The following TENM3 variants were observed in gnomAD, a reference collection of about 807,000 sequenced individuals.
The protein encoded by TENM3 is teneurin-3.
Under a neutral mutation model 255.1 loss-of-function variants are expected in TENM3, and 63 were observed. That is an observed-to-expected ratio of 0.25 (90% CI 0.20 to 0.30). The LOEUF (loss-of-function observed/expected upper bound fraction) is 0.30. Ranked by LOEUF, TENM3 falls within the 10% of genes least tolerant of loss-of-function variation. The probability of loss-of-function intolerance (pLI) is 1.00; values close to 1 mark genes in which losing one functional copy is unlikely to be tolerated. For synonymous variants in TENM3, 1,306 were observed against 1,322.3 expected (o/e 0.99, Z 0.27); for missense variants, 2,929 against 3,461.1 (o/e 0.85, Z 3.86).
At chr4:182,092,560 C>T in the TENM3 span, among the ~76,000 whole-genome samples, 2 of 152,036 alleles carry the variant, frequency 1.3e-5, no homozygotes, top group Non-Finnish European at 2.9e-5. Flanking sequence ...AGGTGGACCT[C>T]GAGGTTGAAC....
chr4:182,132,268 A>C, the TENM3 span, among the ~76,000 whole-genome samples: 2 of 152,250 alleles, frequency 1.3e-5, no homozygotes, highest in South Asian at 4.1e-4. Flanking sequence ...TCACGAGGTC[A>C]GGAGTTCAAG....
intron 1 of TENM3, among the ~76,000 whole-genome samples, chr4:182,247,589 T>C (rs1757739618): frequency 6.6e-6 from 1 of 152,188 alleles, no homozygotes; most frequent in Non-Finnish European, 1.5e-5. Flanking sequence ...ATTTTAAGAT[T>C]TTTCAGGCCA....
At chr4:181,828,572 CT>C in the TENM3 span, among the ~76,000 whole-genome samples, 1 of 152,028 alleles carries the variant, frequency 6.6e-6, no homozygotes, top group Non-Finnish European at 1.5e-5. Context: ...CCCAGGATTT[CT>C]TTTTTTCTTC....
the TENM3 span, among the ~76,000 whole-genome samples, chr4:181,922,732 C>T: frequency 6.7e-6 from 1 of 149,686 alleles, no homozygotes; most frequent in Non-Finnish European, 1.5e-5. Context: ...GTCTCTATTT[C>T]CTTCAGTTCT....
At chr4:182,733,686 G>A (rs1269654411) in intron 16 of TENM3, among the ~76,000 whole-genome samples, 1 of 152,202 alleles carries the variant, frequency 6.6e-6, no homozygotes, top group Non-Finnish European at 1.5e-5. Context: ...AGTCAAAAAG[G>A]CTGACAGGCA....
At chr4:182,164,559 T>C (rs1751581984) in intron 1 of TENM3, among the ~76,000 whole-genome samples, 1 of 152,160 alleles carries the variant, frequency 6.6e-6, no homozygotes, top group African/African-American at 2.4e-5. Context: ...AATTGATCTT[T>C]TAAGAACGCA....
chr4:182,592,915 G>A (rs557219060), intron 3 of TENM3, among the ~76,000 whole-genome samples: 7 of 152,150 alleles, frequency 4.6e-5, no homozygotes, highest in Non-Finnish European at 1.0e-4. Flanking sequence ...TCCATCCTTT[G>A]CAAATCATCC....
intron 3 of TENM3, among the ~76,000 whole-genome samples, chr4:182,532,680 C>A (rs1160057562): frequency 6.6e-6 from 1 of 152,076 alleles, no homozygotes; most frequent in South Asian, 2.1e-4. Context: ...CAAAATGTTA[C>A]CCAAGTGACC....
the TENM3 span, among the ~76,000 whole-genome samples, chr4:181,634,903 CG>C: frequency 6.6e-6 from 1 of 152,040 alleles, no homozygotes; most frequent in Non-Finnish European, 1.5e-5. Context: ...AAGCATCCTC[CG>C]TATACACTTT....
the TENM3 span, among the ~76,000 whole-genome samples, chr4:182,005,326 A>C: frequency 1.3e-5 from 2 of 152,054 alleles, no homozygotes; most frequent in African/African-American, 4.8e-5. Flanking sequence ...TGAATGGGAG[A>C]TCCTTTCTCC....
chr4:181,758,234 T>C, the TENM3 span, among the ~76,000 whole-genome samples: 2 of 152,144 alleles, frequency 1.3e-5, no homozygotes, highest in South Asian at 2.1e-4. Context: ...TTTGGGGACA[T>C]GTATGGGATA....
the TENM3 span, among the ~76,000 whole-genome samples, chr4:181,858,417 C>T: frequency 3.7e-4 from 56 of 152,290 alleles, 2 homozygotes; most frequent in Middle Eastern, 0.01. Context: ...TAGTGAGGCA[C>T]ATCAGATGCT....
At chr4:181,993,069 G>A in the TENM3 span, among the ~76,000 whole-genome samples, 1 of 152,054 alleles carries the variant, frequency 6.6e-6, no homozygotes, top group Non-Finnish European at 1.5e-5. Flanking sequence ...AGACATAATT[G>A]CCTGTAAGGA....
chr4:181,866,686 C>A, the TENM3 span, among the ~76,000 whole-genome samples: 1 of 152,240 alleles, frequency 6.6e-6, no homozygotes, highest in Non-Finnish European at 1.5e-5. Context: ...ATTTTTTCAT[C>A]TATCCAAGTC....
chr4:182,654,674 G>A lies in TENM3; in HGVS notation c.1111+781G>A, dbSNP rs1398047063. Among the ~76,000 whole-genome samples the A allele has an allele frequency of 2.0e-5, 3 of 151,770 alleles. No individual in the cohort carries two copies. In the East Asian group the frequency reaches 5.8e-4, roughly 29 times the overall value. On this transcript the variant is annotated intron_variant, in intron 6 of 27. Transcript: ENST00000511685. ...TTCCCTTTAAGCATTCCCCTAACTC[G>A]TCTTCCTCTTTGTTTCTTGTCTAGT...
chr4:181,933,397 C>T, the TENM3 span, among the ~76,000 whole-genome samples: 2 of 152,270 alleles, frequency 1.3e-5, no homozygotes, highest in African/African-American at 4.8e-5. Flanking sequence ...ATTTGGTTGT[C>T]ATGAATAAAC....
the TENM3 span, among the ~76,000 whole-genome samples, chr4:181,871,916 T>TGATCATAAG: frequency 2.0e-5 from 3 of 152,168 alleles, no homozygotes; most frequent in Non-Finnish European, 4.4e-5. Flanking sequence ...AACCCTCATT[T>TGATCATAAG]GATCATAAGG....
chr4:182,174,829 T>C (rs970027803), intron 1 of TENM3, among the ~76,000 whole-genome samples: 9 of 152,194 alleles, frequency 5.9e-5, no homozygotes, highest in African/African-American at 2.2e-4. Flanking sequence ...TCCTTTCTAA[T>C]TGAAAGAATG....
the TENM3 span, among the ~76,000 whole-genome samples, chr4:181,749,253 AT>A: frequency 6.6e-6 from 1 of 152,130 alleles, no homozygotes; most frequent in African/African-American, 2.4e-5. Flanking sequence ...GCACTAACAA[AT>A]AACTCTAACA....
Sources: gnomAD v4.1 joint callset for allele counts (sites outside exome capture counted in the v4.1 genomes callset) on GRCh38, gnomAD v4.1.1 for gene constraint, MANE v1.5 for transcripts, NCBI Gene and HGNC (gene_info 2026-07-23, HGNC 2026-07-21) for gene names.